CAMTA1: variants seen among roughly 807,000 people sequenced by gnomAD.
CAMTA1 encodes calmodulin-binding transcription activator 1.
In CAMTA1, 27 loss-of-function variants were observed where a neutral mutation model predicts 170.9. The ratio of observed to expected loss-of-function variants is 0.16; its 90% CI spans 0.12 to 0.22. The LOEUF (loss-of-function observed/expected upper bound fraction) is 0.22, where lower values mean the gene tolerates loss of function less well. Among genes scored for constraint, CAMTA1 ranks in the 10% least tolerant of loss-of-function variants. The pLI is 1.00. For missense variants in CAMTA1, 1,619 were observed against 2,217.2 expected, an observed-to-expected ratio of 0.73 and a Z score of 5.42; for synonymous variants, 833 against 891.5, an observed-to-expected ratio of 0.93 and a Z score of 1.17.
At chr1:7,640,041 C>G (rs1055322565) in intron 6 of CAMTA1, among the ~76,000 whole-genome samples, 1 of 152,104 alleles carries the variant, frequency 6.6e-6, no homozygotes, top group Admixed American at 6.5e-5. Flanking sequence ...ACCTCATGCC[C>G]GTGGTTCCCA....
intron 5 of CAMTA1, among the ~76,000 whole-genome samples, chr1:7,312,548 A>AT (rs1428676994): frequency 1.3e-5 from 2 of 152,014 alleles, no homozygotes; most frequent in Non-Finnish European, 2.9e-5. Flanking sequence ...GTACCTTTCA[A>AT]TGTCCTCAGA....
intron 3 of CAMTA1, among the ~76,000 whole-genome samples, chr1:6,855,047 G>A (rs566811176): frequency 1.7e-4 from 26 of 152,162 alleles, no homozygotes; most frequent in African/African-American, 6.0e-4. Context: ...GGATGAGAAA[G>A]GGAAGAATAA....
intron 6 of CAMTA1, among the ~76,000 whole-genome samples, chr1:7,508,312 C>A (rs1002571295): frequency 3.3e-5 from 5 of 152,234 alleles, no homozygotes; most frequent in African/African-American, 1.2e-4. Flanking sequence ...GCATCCCACA[C>A]CCGTCGGAAG....
intron 6 of CAMTA1, among the ~76,000 whole-genome samples, chr1:7,554,925 CT>C (rs201211542): frequency 2.6e-5 from 4 of 151,574 alleles, no homozygotes; most frequent in Non-Finnish European, 4.4e-5. Context: ...ATTTTTCTGA[CT>C]TTTTTTTTCA....
At chr1:7,071,286 A>G (rs1446528984) in intron 3 of CAMTA1, among the ~76,000 whole-genome samples, 2 of 152,242 alleles carry the variant, frequency 1.3e-5, no homozygotes, top group East Asian at 3.8e-4. Context: ...TGACAAAAGC[A>G]AACAATAGAC....
chr1:7,230,506 C>T (rs919185608), intron 4 of CAMTA1, among the ~76,000 whole-genome samples: 1 of 150,058 alleles, frequency 6.7e-6, no homozygotes, highest in Non-Finnish European at 1.5e-5. Flanking sequence ...GGAACATCCT[C>T]CTGAATCTCT....
intron 3 of CAMTA1, among the ~76,000 whole-genome samples, chr1:7,001,076 C>T (rs546297552): frequency 7.9e-4 from 121 of 152,282 alleles, no homozygotes; most frequent in African/African-American, 2.6e-3. Flanking sequence ...CCATGAGTAT[C>T]GGAGTAATGG....
chr1:7,696,678 T>C (rs1313784674), intron 11 of CAMTA1, among the ~76,000 whole-genome samples: 4 of 152,076 alleles, frequency 2.6e-5, no homozygotes, highest in Non-Finnish European at 5.9e-5. Context: ...TTCTGCCTCA[T>C]GGAAAAGTTG....
chr1:7,130,519 T>C (rs1645188469), intron 4 of CAMTA1, among the ~76,000 whole-genome samples: 1 of 152,362 alleles, frequency 6.6e-6, no homozygotes, highest in South Asian at 2.1e-4. Context: ...GAACTTTATA[T>C]GAAACCATCA....
intron 6 of CAMTA1, among the ~76,000 whole-genome samples, chr1:7,493,406 AAC>A (rs2093768392): frequency 5.7e-5 from 8 of 141,318 alleles, no homozygotes; most frequent in Admixed American, 2.2e-4. Flanking sequence ...CACACACAAA[AAC>A]ACAAACCTAC....
chr1:6,983,995 T>C (rs945043981), intron 3 of CAMTA1, among the ~76,000 whole-genome samples: 17 of 44,146 alleles, frequency 3.9e-4, no homozygotes, highest in East Asian at 1.4e-3. Context: ...GATAGATGGA[T>C]GGATGGATGG....
At chr1:7,230,117 C>A (rs985406506) in intron 4 of CAMTA1, among the ~76,000 whole-genome samples, 1 of 152,128 alleles carries the variant, frequency 6.6e-6, no homozygotes, top group Non-Finnish European at 1.5e-5. Context: ...GGTGTCCCCC[C>A]CCACCACATC....
chr1:6,993,441 T>C (rs918084399), intron 3 of CAMTA1, among the ~76,000 whole-genome samples: 1 of 152,178 alleles, frequency 6.6e-6, no homozygotes, highest in East Asian at 1.9e-4. Context: ...TTCCTAGGCA[T>C]TTTATGATTT....
At chr1:6,819,796 C>G (rs1229305249) in intron 1 of CAMTA1, among the ~76,000 whole-genome samples, 1 of 152,192 alleles carries the variant, frequency 6.6e-6, no homozygotes, top group Admixed American at 6.5e-5. Context: ...GAACATTCTC[C>G]TCCATAACCA....
At chr1:7,001,859 A>G (rs1179638046) in intron 3 of CAMTA1, among the ~76,000 whole-genome samples, 2 of 150,720 alleles carry the variant, frequency 1.3e-5, no homozygotes, top group Admixed American at 6.6e-5. Flanking sequence ...TTTGCACTTA[A>G]TTACAACCCT....
At chr1:7,496,520 G>A (rs2093830102) in intron 6 of CAMTA1, among the ~76,000 whole-genome samples, 1 of 152,218 alleles carries the variant, frequency 6.6e-6, no homozygotes, top group African/African-American at 2.4e-5. Flanking sequence ...CATGGGCTCT[G>A]CTGGCTGCAG....
At chr1:7,310,759 C>T (rs559947037) in intron 5 of CAMTA1, among the ~76,000 whole-genome samples, 1 of 144,860 alleles carries the variant, frequency 6.9e-6, no homozygotes, top group Non-Finnish European at 1.5e-5. Flanking sequence ...TTAAGACAGT[C>T]TTGCTCTGTT....
intron 6 of CAMTA1, among the ~76,000 whole-genome samples, chr1:7,496,799 C>T (rs1316217403): frequency 2.0e-5 from 3 of 152,032 alleles, no homozygotes; most frequent in Non-Finnish European, 4.4e-5. Flanking sequence ...AGCACCCTGG[C>T]CCCAGGCACG....
intron 6 of CAMTA1, among the ~76,000 whole-genome samples, chr1:7,628,772 G>C (rs987568255): frequency 3.3e-5 from 5 of 152,280 alleles, no homozygotes; most frequent in Non-Finnish European, 7.3e-5. Context: ...AGAGACAGGG[G>C]AGGGCAGCAG....
Sources: gnomAD v4.1 joint callset for allele counts (sites outside exome capture counted in the v4.1 genomes callset) on GRCh38, gnomAD v4.1.1 for gene constraint, MANE v1.5 for transcripts, NCBI Gene and HGNC (gene_info 2026-07-23, HGNC 2026-07-21) for gene names.